Variants in PEX3 observed in about 807,000 individuals in gnomAD.
PEX3 encodes peroxin-3.
A neutral mutation model predicts 55.8 loss-of-function variants in PEX3; 30 were observed. That is an observed-to-expected ratio of 0.54 (90% CI 0.40 to 0.73). PEX3 has a LOEUF of 0.73. PEX3 is among the 30% of genes least tolerant of loss of function. PEX3 has a pLI of 0.00. For missense variants in PEX3, 351 were observed against 432.8 expected (o/e 0.81, Z 1.68); for synonymous variants, 135 against 148.4 (o/e 0.91, Z 0.66).
chr6:143,462,468 T>G lies in PEX3; in HGVS notation c.206-448T>G, dbSNP rs1056973257. On this transcript the variant is annotated intron_variant, in intron 2 of 11. Transcript: ENST00000367591. The surrounding 1 kb of genome is among the most constrained non-coding windows in gnomAD (Gnocchi z 4.1). ...ACTTTGTAGTATTTAATAAACTTTTTAAAAATTAGAATGAAAAATGAAGGA... is the reference window on the plus strand; with the variant it reads ...ACTTTGTAGTATTTAATAAACTTTTGAAAAATTAGAATGAAAAATGAAGGA... 6.6e-6 allele frequency among the ~76,000 whole-genome samples: 1 copy of G among 152,180 alleles called. No individual in the cohort carries two copies. The highest frequency in any genetic ancestry group is 2.4e-5 in the African/African-American group (1 of 41,452).
At chr6:143,473,325 G>C (rs1227113676) in intron 8 of PEX3, among the ~76,000 whole-genome samples, 1 of 152,086 alleles carries the variant, frequency 6.6e-6, no homozygotes, top group Non-Finnish European at 1.5e-5. Context: ...AGAACAGATG[G>C]AACAGAATTA....
intron 2 of PEX3, among the ~76,000 whole-genome samples, chr6:143,461,036 G>T (rs1124950): frequency 0.024 from 3,704 of 152,182 alleles, 150 homozygotes; most frequent in African/African-American, 0.084. Context: ...AAGGGGAAGG[G>T]AGGCAGAAGA....
chr6:143,487,363 C>T lies in PEX3; in HGVS notation c.1039-1780C>T, dbSNP rs142762408. On this transcript the variant is annotated intron_variant, in intron 11 of 11. Transcript: ENST00000367591. This position sits in a 1 kb window ranked among gnomAD's most constrained non-coding sequence, Gnocchi z 5.3. ...TTTTGTAAGTTTTATTGGGTGACAG[C>T]ATGCCCATTGGTTTATGTGTTGTTT... Among the ~76,000 whole-genome samples the T allele has an allele frequency of 1.8e-3, 278 of 152,248 alleles. 1 individual carries two copies. Among genetic ancestry groups the T allele is most frequent in the African/African-American group, 5.6e-3 (234 of 41,556 alleles).
At chr6:143,470,081 C>G (rs1245345513) in intron 4 of PEX3, among the ~76,000 whole-genome samples, 1 of 152,142 alleles carries the variant, frequency 6.6e-6, no homozygotes, top group Non-Finnish European at 1.5e-5. Flanking sequence ...TCCCGAGTAG[C>G]TGGCTCTACA....
At chr6:143,484,420 C>G (rs1396246230) in intron 10 of PEX3, among the ~76,000 whole-genome samples, 1 of 151,934 alleles carries the variant, frequency 6.6e-6, no homozygotes, top group Admixed American at 6.6e-5. Context: ...TAAAAGATTT[C>G]TTTTGAGAAA....
rs563297710 is a variant in PEX3, at chr6:143,476,200, A to G, written c.818+1344A>G. Among the ~76,000 whole-genome samples, 3 of 152,344 alleles carry G rather than the reference A, an allele frequency of 2.0e-5. No homozygotes were observed. In the South Asian group the frequency reaches 6.2e-4, roughly 32 times the overall value. On this transcript the variant is annotated intron_variant, in intron 9 of 11. Transcript: ENST00000367591. This position sits in a 1 kb window ranked among gnomAD's most constrained non-coding sequence, Gnocchi z 5.4. Reference sequence around the variant, plus strand: ...AACCCAGAAGAATACAGTTCAAGGCAGAAGAACAGTTGCAGTGATCCTAAT... The same window carrying G: ...AACCCAGAAGAATACAGTTCAAGGCGGAAGAACAGTTGCAGTGATCCTAAT...
At chr6:143,469,382 A>G (rs1277650035) in intron 4 of PEX3, among the ~76,000 whole-genome samples, 3 of 152,122 alleles carry the variant, frequency 2.0e-5, no homozygotes, top group Non-Finnish European at 4.4e-5. Context: ...CTGGTGTGAG[A>G]TGATATCTCA....
In PEX3 at chr6:143,482,700, C is replaced by T. The variant is rs183867297; in HGVS notation, c.942-2452C>T. ...TAGAATGTAAAATCCAGAAGTAGCC[C>T]TAAAAATTGTAGGATGTTAGTAATG... On this transcript the variant is annotated intron_variant, in intron 10 of 11. Coordinates refer to ENST00000367591, the MANE Select transcript of PEX3 (RefSeq NM_003630.3). This position sits in a 1 kb window ranked among gnomAD's most constrained non-coding sequence, Gnocchi z 5.5. Among the ~76,000 whole-genome samples, 3 of 151,604 alleles carry T rather than the reference C, an allele frequency of 2.0e-5. No individual in the cohort carries two copies. The highest frequency in any genetic ancestry group is 7.2e-5 in the African/African-American group (3 of 41,386).
At position 143,465,918 on chromosome 6, in the gene PEX3, A is replaced by G. The variant is rs1779984667; in HGVS notation, c.288-2204A>G. On this transcript the variant is annotated intron_variant, in intron 3 of 11. Coordinates refer to ENST00000367591, the MANE Select transcript of PEX3 (RefSeq NM_003630.3). The surrounding 1 kb of genome is among the most constrained non-coding windows in gnomAD (Gnocchi z 4.7). The stretch of plus-strand genomic sequence containing the variant: ...TGCAAATTTATGTCTGAAAGTAATA[A>G]TAAAGAATATGGACTTGTGTTTTCT... Among the ~76,000 whole-genome samples the G allele has an allele frequency of 6.6e-6, 1 of 152,132 alleles. No homozygotes were observed. The highest frequency in any genetic ancestry group is 1.9e-4 in the East Asian group (1 of 5,206).
chr6:143,481,257 A>G (rs1056603496), intron 10 of PEX3, among the ~76,000 whole-genome samples: 7 of 151,244 alleles, frequency 4.6e-5, no homozygotes, highest in African/African-American at 1.7e-4. Flanking sequence ...TTAAAAGTCA[A>G]AAGTGCAAAA....
Position 143,490,612 on chromosome 6 carries a change from CA to C in PEX3, c.*1390del. 1 of 1,179,376 alleles carries C rather than the reference CA, an allele frequency of 8.5e-7. No individual in the cohort carries two copies. Among genetic ancestry groups the C allele is most frequent in the Non-Finnish European group, 1.1e-6 (1 of 873,776 alleles). 73.1% of individuals were successfully genotyped at this position (1,179,376 alleles called of 1,614,324 possible). A position where few individuals can be genotyped will look rare whatever the true frequency, so the allele number is the denominator to read the frequency against. The stretch of plus-strand genomic sequence containing the variant: ...GGCTTAATAAAACCTGATTTGAAAA[CA>C]AAATCTGAGAATGGATTGGAATTTA... On this transcript the variant is annotated 3_prime_UTR_variant, in exon 12 of 12. Transcript: ENST00000367591. The surrounding 1 kb of genome is among the most constrained non-coding windows in gnomAD (Gnocchi z 6.0).
Position 143,479,056 on chromosome 6 carries a change from A to T in PEX3, c.819-20A>T. ...CCATTCAGAGTCTAAAAAGTAACTT[A>T]TACTTCTTACTTTATATAGCCCAGA... is the stretch of plus-strand genomic sequence containing the variant. On this transcript the variant is annotated intron_variant, in intron 9 of 11. Coordinates refer to ENST00000367591, the MANE Select transcript of PEX3 (RefSeq NM_003630.3). This position sits in a 1 kb window ranked among gnomAD's most constrained non-coding sequence, Gnocchi z 4.6. The T allele has an allele frequency of 6.7e-7, 1 of 1,493,386 alleles. No individual in the cohort carries two copies. Among genetic ancestry groups the T allele is most frequent in the South Asian group, 1.1e-5 (1 of 88,274 alleles). The allele number at this position is 1,493,386 out of a possible 1,614,324, so 92.5% of individuals were successfully genotyped here.
intron 2 of PEX3, among the ~76,000 whole-genome samples, chr6:143,461,478 A>AC (rs1261961165): frequency 1.3e-5 from 2 of 152,222 alleles, no homozygotes; most frequent in Non-Finnish European, 2.9e-5. Context: ...AGCTTTCTGC[A>AC]CATTCTGCAT....
rs1033161734 is a variant in PEX3, at chr6:143,453,763, G to T, written c.73+2648G>T. 3.3e-5 allele frequency among the ~76,000 whole-genome samples: 5 copies of T among 152,058 alleles called. No individual in the cohort carries two copies. The highest frequency in any genetic ancestry group is 1.2e-4 in the African/African-American group (5 of 41,384). On this transcript the variant is annotated intron_variant, in intron 1 of 11. Coordinates refer to ENST00000367591, the MANE Select transcript of PEX3 (RefSeq NM_003630.3). The surrounding 1 kb of genome is among the most constrained non-coding windows in gnomAD (Gnocchi z 4.6). ...GGCTAATTTTTAATTATTTTGTAGA[G>T]ACAGGGGTCTCACTACATTGCTCAG...
rs143053705 is a variant in PEX3, at chr6:143,471,920, T to C, written c.579-240T>C. Among the ~76,000 whole-genome samples the C allele has an allele frequency of 1.1e-3, 165 of 152,318 alleles. 1 individual carries two copies. Among genetic ancestry groups the C allele is most frequent in the African/African-American group, 3.8e-3 (160 of 41,578 alleles). On this transcript the variant is annotated intron_variant, in intron 7 of 11. Coordinates refer to ENST00000367591, the MANE Select transcript of PEX3 (RefSeq NM_003630.3). This position sits in a 1 kb window ranked among gnomAD's most constrained non-coding sequence, Gnocchi z 5.4. ...TGAGGCTTTTACCTCCCATTTATAC[T>C]AGTAATATCTATAATTACAGTAGGA... is the stretch of plus-strand genomic sequence containing the variant.
chr6:143,471,535 A>G lies in PEX3; in HGVS notation c.524-22A>G. ...AATTTTTAAACTAAGCAAGGCTTTTAGGTTTGTTTTTTCTTTAATAGGCCT... is the reference window on the plus strand; with the variant it reads ...AATTTTTAAACTAAGCAAGGCTTTTGGGTTTGTTTTTTCTTTAATAGGCCT... On this transcript the variant is annotated intron_variant, in intron 6 of 11. Transcript: ENST00000367591. This position sits in a 1 kb window ranked among gnomAD's most constrained non-coding sequence, Gnocchi z 5.4. 6.3e-7 allele frequency: 1 copy of G among 1,599,770 alleles called. No individual in the cohort carries two copies. Among genetic ancestry groups the G allele is most frequent in the Non-Finnish European group, 8.6e-7 (1 of 1,167,432 alleles).
intron 8 of PEX3, among the ~76,000 whole-genome samples, chr6:143,474,500 C>G (rs1415750290): frequency 6.6e-6 from 1 of 151,674 alleles, no homozygotes; most frequent in Non-Finnish European, 1.5e-5. Context: ...AACTCAAAAC[C>G]TATTTCTTCT....
chr6:143,461,894 G>T (rs1343054138), intron 2 of PEX3, among the ~76,000 whole-genome samples: 1 of 152,198 alleles, frequency 6.6e-6, no homozygotes, highest in Admixed American at 6.5e-5. Flanking sequence ...GCTGCAGTGA[G>T]CCGTGATTGC....
chr6:143,469,128 A>G (rs895799692), intron 4 of PEX3, among the ~76,000 whole-genome samples: 6 of 152,186 alleles, frequency 3.9e-5, no homozygotes, highest in African/African-American at 1.4e-4. Context: ...TAGTGCTGCA[A>G]TAAACATATG....
Sources: gnomAD v4.1 joint callset for allele counts (sites outside exome capture counted in the v4.1 genomes callset) on GRCh38, gnomAD v4.1.1 for gene constraint, Gnocchi (gnomAD v3.1) non-coding constraint, MANE v1.5 for transcripts, NCBI Gene and HGNC (gene_info 2026-07-23, HGNC 2026-07-21) for gene names.